The following CEP85L variants were observed in gnomAD, a reference collection of about 807,000 sequenced individuals.
CEP85L encodes centrosomal protein of 85 kDa-like.
In CEP85L, 60 loss-of-function variants were observed where a neutral mutation model predicts 100.3. The observed-to-expected ratio is 0.60, with a 90% confidence interval of 0.49 to 0.74. The LOEUF (loss-of-function observed/expected upper bound fraction) is 0.74. CEP85L is among the 30% of genes least tolerant of loss of function. CEP85L has a pLI of 0.00. For synonymous variants in CEP85L, 319 were observed against 322.7 expected, an observed-to-expected ratio of 0.99 and a Z score of 0.12; for missense variants, 973 against 936.2, an observed-to-expected ratio of 1.04 and a Z score of -0.51.
At chr6:118,530,849 T>A (rs1777250649) in intron 3 of CEP85L, among the ~76,000 whole-genome samples, 1 of 120,828 alleles carries the variant, frequency 8.3e-6, no homozygotes. Context: ...CTGAAAGAAA[T>A]GAGATGATTC....
chr6:118,595,945 A>C (rs1781439761), intron 2 of CEP85L, among the ~76,000 whole-genome samples: 1 of 152,238 alleles, frequency 6.6e-6, no homozygotes, highest in Non-Finnish European at 1.5e-5. Flanking sequence ...TGTTGTAGAT[A>C]CAATCTAAAA....
At chr6:118,613,693 G>T (rs984030132) in intron 2 of CEP85L, among the ~76,000 whole-genome samples, 20 of 147,770 alleles carry the variant, frequency 1.4e-4, no homozygotes, top group African/African-American at 5.0e-4. Flanking sequence ...GGAGTTGGAG[G>T]TTGTGGTGAC....
intron 3 of CEP85L, among the ~76,000 whole-genome samples, chr6:118,551,730 T>C (rs1327571285): frequency 6.6e-6 from 1 of 152,004 alleles, no homozygotes; most frequent in Non-Finnish European, 1.5e-5. Context: ...TACAATTATT[T>C]TCATAACCAG....
upstream of CEP85L, chr6:118,651,767 C>T: frequency 1.0e-6 from 1 of 986,462 alleles, no homozygotes; most frequent in Non-Finnish European, 1.2e-6. Context: ...GGCGACTGGG[C>T]TGTCCCGCCC....
chr6:118,555,418 A>C (rs1338754498), intron 3 of CEP85L, among the ~76,000 whole-genome samples: 1 of 114,650 alleles, frequency 8.7e-6, no homozygotes, highest in African/African-American at 3.4e-5. Flanking sequence ...ACACAGCAAG[A>C]CTGTCTCAAA....
intron 2 of CEP85L, 100 bp downstream of exon 2, chr6:118,632,353 T>C (rs576659746): frequency 7.5e-6 from 7 of 927,482 alleles, no homozygotes; most frequent in Non-Finnish European, 9.5e-6. Flanking sequence ...TCAAACACTA[T>C]AATTTTCAGT....
intron 2 of CEP85L, among the ~76,000 whole-genome samples, chr6:118,605,555 C>T (rs1772135258): frequency 6.6e-6 from 1 of 152,222 alleles, no homozygotes; most frequent in African/African-American, 2.4e-5. Context: ...CAAAACAGAA[C>T]ACAGCCTTTG....
intron 7 of CEP85L, among the ~76,000 whole-genome samples, chr6:118,483,001 A>C (rs1351744623): frequency 6.6e-6 from 1 of 152,178 alleles, no homozygotes; most frequent in Non-Finnish European, 1.5e-5. Flanking sequence ...ATTGGCACTT[A>C]GTGAGTAGAG....
At chr6:118,485,131 A>G (rs912201533) in intron 6 of CEP85L, among the ~76,000 whole-genome samples, 2 of 152,176 alleles carry the variant, frequency 1.3e-5, no homozygotes, top group Non-Finnish European at 2.9e-5. Context: ...GAAATATATC[A>G]TCTATAAATT....
At chr6:118,610,677 C>CTTGT in intron 2 of CEP85L, among the ~76,000 whole-genome samples, 1 of 151,980 alleles carries the variant, frequency 6.6e-6, no homozygotes, top group Admixed American at 6.6e-5. Flanking sequence ...CCATAACTTT[C>CTTGT]AACTACAAGA....
chr6:118,647,670 T>C (rs1387149275), intron 1 of CEP85L, among the ~76,000 whole-genome samples: 2 of 152,288 alleles, frequency 1.3e-5, no homozygotes, highest in Middle Eastern at 3.4e-3. Flanking sequence ...CTTATGTTAG[T>C]ATTTTAAAAA....
Position 118,519,574 on chromosome 6 carries a change from GTGTGT to G in CEP85L, c.1139+4223_1139+4227del, listed in dbSNP as rs1225691315. Among the ~76,000 whole-genome samples the G allele has an allele frequency of 4.5e-3, 61 of 13,408 alleles. 3 individuals carry two copies. Among genetic ancestry groups the G allele is most frequent in the Non-Finnish European group, 7.9e-3 (29 of 3,662 alleles). The allele number at this position is 13,408 out of a possible 152,430, so 8.8% of individuals were successfully genotyped here. On this transcript the variant is annotated intron_variant, in intron 4 of 12. Coordinates refer to ENST00000368491, the MANE Select transcript of CEP85L (RefSeq NM_001042475.3). ...TGTGTGTGTGTGTGTGTGTGTGTGT[GTGTGT>G]GTGGCGGGGGGGGGGTGTGAAACTC...
chr6:118,697,040 C>T (rs1273684637), intron 1 of CEP85L, among the ~76,000 whole-genome samples: 1 of 152,198 alleles, frequency 6.6e-6, no homozygotes. Context: ...ACTAACCCCA[C>T]AGCAGACTCC....
chr6:118,502,195 T>TC, intron 5 of CEP85L: 1 of 874,956 alleles, frequency 1.1e-6, no homozygotes, highest in Non-Finnish European at 1.8e-6. Flanking sequence ...AACTCCAGGG[T>TC]TATATTTGAA....
intron 2 of CEP85L, among the ~76,000 whole-genome samples, chr6:118,574,427 A>C (rs1377548340): frequency 6.6e-6 from 1 of 152,174 alleles, no homozygotes; most frequent in Non-Finnish European, 1.5e-5. Context: ...CGCAGGCACC[A>C]CCCTTCTGCA....
chr6:118,536,074 TATC>T (rs1228773791), intron 3 of CEP85L, among the ~76,000 whole-genome samples: 1 of 152,132 alleles, frequency 6.6e-6, no homozygotes, highest in Non-Finnish European at 1.5e-5. Flanking sequence ...AAAAAGAACT[TATC>T]ATAATAAAAT....
intron 4 of CEP85L, among the ~76,000 whole-genome samples, chr6:118,512,450 G>C (rs902210886): frequency 5.3e-5 from 8 of 152,170 alleles, no homozygotes; most frequent in African/African-American, 1.9e-4. Context: ...AAAGCTTCAT[G>C]ATTCCCAGGG....
chr6:118,537,780 C>T (rs897626024), intron 3 of CEP85L: 1 of 985,244 alleles, frequency 1.0e-6, no homozygotes, highest in East Asian at 1.1e-4. Flanking sequence ...GGAATACAAC[C>T]TCTGCAATTC....
intron 3 of CEP85L, among the ~76,000 whole-genome samples, chr6:118,547,702 T>C (rs1489201303): frequency 6.6e-6 from 1 of 152,148 alleles, no homozygotes; most frequent in Non-Finnish European, 1.5e-5. Flanking sequence ...ATGAATTAAA[T>C]ACATTTATTA....
Sources: gnomAD v4.1 joint callset for allele counts (sites outside exome capture counted in the v4.1 genomes callset) on GRCh38, gnomAD v4.1.1 for gene constraint, MANE v1.5 for transcripts, NCBI Gene and HGNC (gene_info 2026-07-23, HGNC 2026-07-21) for gene names.